API5: variants seen among roughly 807,000 people sequenced by gnomAD.
API5 encodes the protein FIF.
A neutral mutation model predicts 71.9 loss-of-function variants in API5; 6 were observed. The ratio of observed to expected loss-of-function variants is 0.08; its 90% CI spans 0.05 to 0.16. API5 has a LOEUF of 0.16. API5 is among the 10% of genes least tolerant of loss of function. The pLI, the probability that API5 is intolerant of heterozygous loss-of-function variation, is 1.00. For synonymous variants in API5, 189 were observed against 221.3 expected (o/e 0.85, Z 1.30); for missense variants, 332 against 612.8 (o/e 0.54, Z 4.84).
At chr11:43,325,112 A>G (rs1590360959) in intron 6 of API5, among the ~76,000 whole-genome samples, 1 of 152,172 alleles carries the variant, frequency 6.6e-6, no homozygotes, top group East Asian at 1.9e-4. Flanking sequence ...ATGAAAGAAA[A>G]AAAAAAAACT....
At chr11:43,335,247 T>G (rs1240846417) in intron 11 of API5, 31 bp from the exon 12 acceptor site, 1 of 1,508,732 alleles carries the variant, frequency 6.6e-7, no homozygotes, top group Admixed American at 1.7e-5. Context: ...ACAAATACAT[T>G]AGAATTCTTG....
At chr11:43,341,125 T>G (rs1855597706) in intron 13 of API5, among the ~76,000 whole-genome samples, 1 of 152,164 alleles carries the variant, frequency 6.6e-6, no homozygotes, top group Non-Finnish European at 1.5e-5. Context: ...GAACAGACAT[T>G]TCTCAAAAGA....
chr11:43,312,292 G>T, intron 1 of API5, 96 bp downstream of exon 1: 1 of 1,366,170 alleles, frequency 7.3e-7, no homozygotes, highest in Non-Finnish European at 1.0e-6. Context: ...GGGGGCTGCG[G>T]CTTCATCCTC....
chr11:43,342,120 GAGCAACAC>G (rs1855637685), intron 13 of API5, among the ~76,000 whole-genome samples: 1 of 152,142 alleles, frequency 6.6e-6, no homozygotes, highest in Admixed American at 6.6e-5. Context: ...ACTCCAGCCT[GAGCAACAC>G]AGCAAGACCC....
intron 13 of API5, chr11:43,336,258 GA>G (rs1855430411): frequency 4.6e-6 from 2 of 436,682 alleles, no homozygotes. Context: ...GGAACCAACA[GA>G]AACAAAATAA....
intron 8 of API5, 86 bp from the exon 9 acceptor site, chr11:43,328,626 A>G (rs573504637): frequency 1.2e-5 from 15 of 1,251,624 alleles, no homozygotes; most frequent in Middle Eastern, 4.4e-4. Flanking sequence ...CATGCCTTAA[A>G]AACATGCACT....
intron 1 of API5, chr11:43,318,346 C>T: frequency 7.6e-7 from 1 of 1,323,496 alleles, no homozygotes; most frequent in Non-Finnish European, 1.0e-6. Context: ...GTCACATGGC[C>T]AGAGTTAATA....
At chr11:43,320,436 T>C (rs929641400) in intron 2 of API5, among the ~76,000 whole-genome samples, 14 of 152,138 alleles carry the variant, frequency 9.2e-5, no homozygotes, top group African/African-American at 2.7e-4. Context: ...TCTGTGGTTT[T>C]AGTTTTCTTA....
In API5 at chr11:43,336,151, C is replaced by T. The variant is rs993564488; in HGVS notation, c.1492+157C>T. 1.7e-5 allele frequency: 16 copies of T among 960,398 alleles called. No homozygotes were observed. In the Admixed American group the frequency reaches 2.5e-4, roughly 15 times the overall value. The allele number at this position is 960,398 out of a possible 1,614,324, so 59.5% of individuals were successfully genotyped here. The stretch of plus-strand genomic sequence containing the variant: ...TAGGGCTGTTGAGGAAATGATTTAT[C>T]CCATTCCTCTCTCATTCACCCTTCT... On this transcript the variant is annotated intron_variant, in intron 13 of 13. Coordinates refer to ENST00000531273, the MANE Select transcript of API5 (RefSeq NM_001142930.2).
rs943612188 is a variant in API5, at chr11:43,342,854, A to C, written c.*344A>C. 10 of 551,012 alleles carry C rather than the reference A, an allele frequency of 1.8e-5. No individual in the cohort carries two copies. The African/African-American group carries it at 1.9e-4, about 11-fold the overall frequency. 34.1% of individuals were successfully genotyped at this position (551,012 alleles called of 1,614,324 possible). A position where few individuals can be genotyped will look rare whatever the true frequency, so the allele number is the denominator to read the frequency against. The stretch of plus-strand genomic sequence containing the variant: ...GAAATTCAGTCTAGTTCTGCTGATA[A>C]AGATCATCAGTTTTGAAAGGTTACT... On this transcript the variant is annotated 3_prime_UTR_variant, in exon 14 of 14. Transcript: ENST00000531273.
In API5 at chr11:43,329,999, A is replaced by G. The variant is rs1855200906; in HGVS notation, c.1162A>G (p.Ile388Val). ...CTTTGCACGGGGCCTGCAAGTTTAT[A>G]TCAGACAACTTCGCTTAGCTCTCCA... The part of the protein sequence containing the change: ...QYFARGLQVY[I>V]RQLRLALQGK... Residue 388 changes from isoleucine to valine, a missense_variant, in exon 10 of 14, where the codon ATC (isoleucine) becomes GTC (valine). By Grantham distance (29) the Ile-to-Val change is conservative. Around this residue, in one of 3 missense-constraint regions of API5, gnomAD observed 168 missense variants for 343.9 expected, o/e 0.49. Transcript: ENST00000531273. 1 of 1,613,768 alleles carries G rather than the reference A, an allele frequency of 6.2e-7. No individual in the cohort carries two copies. Among genetic ancestry groups the G allele is most frequent in the Non-Finnish European group, 8.5e-7 (1 of 1,179,866 alleles).
intron 13 of API5, among the ~76,000 whole-genome samples, chr11:43,340,054 C>CTACCAAAAAACTCAT (rs1402403463): frequency 3.3e-5 from 5 of 151,896 alleles, no homozygotes; most frequent in Non-Finnish European, 7.4e-5. Context: ...ACTAAAGACT[C>CTACCAAAAAACTCAT]TACCAAAAAA....
At chr11:43,329,634 G>A (rs1855187637) in intron 9 of API5, among the ~76,000 whole-genome samples, 2 of 152,200 alleles carry the variant, frequency 1.3e-5, no homozygotes, top group Admixed American at 1.3e-4. Context: ...ATACCTTAGT[G>A]TTACTGGAGA....
intron 6 of API5, among the ~76,000 whole-genome samples, chr11:43,324,876 G>A (rs1329645821): frequency 1.3e-5 from 2 of 151,732 alleles, no homozygotes. Flanking sequence ...ATGGGGTTTT[G>A]CCATGTTGCC....
intron 4 of API5, among the ~76,000 whole-genome samples, 195 bp from the exon 5 acceptor site, chr11:43,321,790 G>T (rs1287776496): frequency 1.3e-5 from 2 of 152,170 alleles, no homozygotes; most frequent in African/African-American, 4.8e-5. Flanking sequence ...TGCTTAAGCT[G>T]ACTATGTCTT....
chr11:43,312,286 G>A, intron 1 of API5, 90 bp downstream of exon 1: 1 of 1,418,752 alleles, frequency 7.0e-7, no homozygotes, highest in South Asian at 1.2e-5. Flanking sequence ...CCGAGCGGGG[G>A]CTGCGGCTTC....
At chr11:43,323,252 G>A (rs959565779) in intron 5 of API5, among the ~76,000 whole-genome samples, 178 bp from the exon 6 acceptor site, 9 of 152,168 alleles carry the variant, frequency 5.9e-5, no homozygotes, top group Admixed American at 2.0e-4. Flanking sequence ...TGGAGAATGC[G>A]TGGTTTACAC....
chr11:43,342,878 C>T lies in API5; in HGVS notation c.*368C>T. Reference sequence around the variant, plus strand: ...AAAGATCATCAGTTTTGAAAGGTTACTGATTTTCCTCTTCCCTCTTAGTTT... The same window carrying T: ...AAAGATCATCAGTTTTGAAAGGTTATTGATTTTCCTCTTCCCTCTTAGTTT... On this transcript the variant is annotated 3_prime_UTR_variant, in exon 14 of 14. Coordinates refer to ENST00000531273, the MANE Select transcript of API5 (RefSeq NM_001142930.2). 1 of 518,572 alleles carries T rather than the reference C, an allele frequency of 1.9e-6. No homozygotes were observed. Among genetic ancestry groups the T allele is most frequent in the Admixed American group, 3.7e-5 (1 of 27,156 alleles). The allele number at this position is 518,572 out of a possible 1,614,324, so 32.1% of individuals were successfully genotyped here.
At position 43,321,870 on chromosome 11, in the gene API5, A is replaced by C. The variant is rs189967997; in HGVS notation, c.392-115A>C. The C allele has an allele frequency of 2.5e-5, 26 of 1,040,618 alleles. No homozygotes were observed. In the Admixed American group the frequency reaches 5.8e-4, roughly 23 times the overall value. 64.5% of individuals were successfully genotyped at this position (1,040,618 alleles called of 1,614,324 possible). ...CTACTTTTAACTAGTAATGAGGATG[A>C]TATTTGGGAAGTTCATTAACTTATT... On this transcript the variant is annotated intron_variant, in intron 4 of 13. Coordinates refer to ENST00000531273, the MANE Select transcript of API5 (RefSeq NM_001142930.2).
Sources: gnomAD v4.1 joint callset for allele counts (sites outside exome capture counted in the v4.1 genomes callset) on GRCh38, gnomAD v4.1.1 for gene constraint, gnomAD v4.1.1 regional missense constraint, MANE v1.5 for transcripts, NCBI Gene and HGNC (gene_info 2026-07-23, HGNC 2026-07-21) for gene names.